Variants in PRKG1 observed in about 807,000 individuals in gnomAD.
PRKG1 encodes the protein cGMP-dependent protein kinase 1.
In PRKG1, 35 loss-of-function variants were observed where a neutral mutation model predicts 88.1. The observed-to-expected ratio is 0.40, with a 90% confidence interval of 0.30 to 0.53. The LOEUF (loss-of-function observed/expected upper bound fraction) is 0.53, where lower values mean the gene tolerates loss of function less well. PRKG1 is among the 20% of genes least tolerant of loss of function. The pLI, the probability that PRKG1 is intolerant of heterozygous loss-of-function variation, is 0.59. For synonymous variants in PRKG1, 303 were observed against 292.5 expected (o/e 1.04, Z -0.37); for missense variants, 540 against 839.8 (o/e 0.64, Z 4.41).
At chr10:51,847,899 T>A (rs925712191) in intron 4 of PRKG1, among the ~76,000 whole-genome samples, 16 of 146,734 alleles carry the variant, frequency 1.1e-4, no homozygotes, top group Admixed American at 2.0e-4. Flanking sequence ...TGAACTCTAT[T>A]CTCTTGTCTA....
intron 9 of PRKG1, among the ~76,000 whole-genome samples, chr10:52,211,932 A>G (rs189575805): frequency 2.0e-5 from 3 of 152,298 alleles, no homozygotes; most frequent in Admixed American, 2.0e-4. Context: ...AGTTACATGA[A>G]TTCAATACCA....
At chr10:51,803,343 T>C (rs909297474) in intron 3 of PRKG1, among the ~76,000 whole-genome samples, 1 of 152,134 alleles carries the variant, frequency 6.6e-6, no homozygotes, top group Non-Finnish European at 1.5e-5. Flanking sequence ...AATATAGAGT[T>C]GGCCAAAGGA....
chr10:50,991,502 A>C lies in PRKG1; in HGVS notation c.124A>C (p.Lys42Gln). ...TCAGGAGCTGAAGAGGAAACTCCAC[A>C]AATGCCAGTCGGTGCTCCCAGTGCC... The change falls in exon 1 of 18, where the codon AAA becomes CAA. Residue 42 changes from lysine (K) to glutamine (Q), a missense_variant. By Grantham distance (53) the Lys-to-Gln change is moderately conservative. Transcript: ENST00000401604. The surrounding 1 kb of genome is among the most constrained non-coding windows in gnomAD (Gnocchi z 4.5). The C allele has an allele frequency of 6.2e-7, 1 of 1,611,534 alleles. No individual in the cohort carries two copies. The highest frequency in any genetic ancestry group is 8.5e-7 in the Non-Finnish European group (1 of 1,179,002).
At chr10:51,822,236 T>A (rs1839768193) in intron 4 of PRKG1, among the ~76,000 whole-genome samples, 1 of 152,070 alleles carries the variant, frequency 6.6e-6, no homozygotes, top group Non-Finnish European at 1.5e-5. Flanking sequence ...GAAATATTAT[T>A]GAGCCTTAAA....
chr10:51,634,258 T>C (rs1194408027), intron 3 of PRKG1, among the ~76,000 whole-genome samples: 1 of 152,042 alleles, frequency 6.6e-6, no homozygotes, highest in African/African-American at 2.4e-5. Context: ...GAAGAGAGGA[T>C]TTGCCAAGGG....
intron 5 of PRKG1, among the ~76,000 whole-genome samples, chr10:52,004,025 TATA>T (rs3029949): frequency 0.02 from 3,047 of 152,286 alleles, 105 homozygotes; most frequent in African/African-American, 0.069. Context: ...TGAATGTATA[TATA>T]ATGTTTAGTA....
chr10:52,149,609 G>C (rs897599943), intron 8 of PRKG1, among the ~76,000 whole-genome samples: 1 of 151,874 alleles, frequency 6.6e-6, no homozygotes, highest in Admixed American at 6.6e-5. Context: ...GATGCCGTGA[G>C]TAGGGGCCTG....
intron 1 of PRKG1, among the ~76,000 whole-genome samples, chr10:51,030,004 T>G (rs1319871511): frequency 6.6e-6 from 1 of 152,164 alleles, no homozygotes; most frequent in Non-Finnish European, 1.5e-5. Flanking sequence ...GTAATTAATA[T>G]TCTTCTGATA....
intron 2 of PRKG1, among the ~76,000 whole-genome samples, chr10:51,235,617 A>G (rs1838965517): frequency 6.6e-6 from 1 of 152,178 alleles, no homozygotes; most frequent in Admixed American, 6.6e-5. Context: ...TTAATTTATG[A>G]TGAATTTTAA....
chr10:52,083,396 G>A (rs1167622241), intron 7 of PRKG1, among the ~76,000 whole-genome samples: 1 of 151,914 alleles, frequency 6.6e-6, no homozygotes, highest in Non-Finnish European at 1.5e-5. Context: ...GAAAGATATT[G>A]TATAGTTGAT....
chr10:52,051,151 T>C (rs1242060297), intron 5 of PRKG1, among the ~76,000 whole-genome samples: 1 of 152,226 alleles, frequency 6.6e-6, no homozygotes, highest in African/African-American at 2.4e-5. Context: ...AATTTTGGCT[T>C]TCTGAAAGAA....
intron 3 of PRKG1, among the ~76,000 whole-genome samples, chr10:51,650,131 A>G (rs748291863): frequency 2.6e-5 from 4 of 152,084 alleles, no homozygotes; most frequent in Non-Finnish European, 5.9e-5. Context: ...GAATTTTACC[A>G]ACCAGTATAA....
chr10:51,446,809 T>A (rs1030962860), intron 2 of PRKG1, among the ~76,000 whole-genome samples: 12 of 152,078 alleles, frequency 7.9e-5, no homozygotes, highest in African/African-American at 2.9e-4. Context: ...ATGTTGACTA[T>A]CTTATGGTTG....
chr10:51,731,791 C>T (rs1367444697), intron 3 of PRKG1, among the ~76,000 whole-genome samples: 3 of 152,138 alleles, frequency 2.0e-5, no homozygotes, highest in South Asian at 2.1e-4. Flanking sequence ...TCACAGACCG[C>T]GTGGTTTACA....
intron 3 of PRKG1, among the ~76,000 whole-genome samples, chr10:51,589,094 G>A (rs1056969774): frequency 2.6e-5 from 4 of 152,204 alleles, no homozygotes; most frequent in African/African-American, 9.6e-5. Flanking sequence ...GGCTATAAGG[G>A]AATGCTGTAA....
intron 4 of PRKG1, among the ~76,000 whole-genome samples, chr10:51,844,875 A>G (rs1273335311): frequency 2.6e-5 from 4 of 152,232 alleles, no homozygotes; most frequent in African/African-American, 4.8e-5. Flanking sequence ...TTGCCTTGCC[A>G]GTGGATTATT....
chr10:52,047,985 A>C (rs1462049324), intron 5 of PRKG1, among the ~76,000 whole-genome samples: 1 of 152,070 alleles, frequency 6.6e-6, no homozygotes, highest in Non-Finnish European at 1.5e-5. Flanking sequence ...GCTTTAGTTG[A>C]GATGTACATG....
chr10:51,183,958 A>C (rs939086449), intron 2 of PRKG1, among the ~76,000 whole-genome samples: 4 of 152,124 alleles, frequency 2.6e-5, no homozygotes, highest in Admixed American at 6.6e-5. Context: ...AGCCAGTTTC[A>C]ACCTCATTAT....
At chr10:51,822,419 A>ATTGGGG (rs1839773012) in intron 4 of PRKG1, among the ~76,000 whole-genome samples, 2 of 152,110 alleles carry the variant, frequency 1.3e-5, no homozygotes, top group African/African-American at 4.8e-5. Flanking sequence ...AGGGCTAGGA[A>ATTGGGG]TTGGGGAAAT....
Sources: allele counts gnomAD v4.1 joint callset (sites outside exome capture counted in the v4.1 genomes callset), GRCh38; gene constraint gnomAD v4.1.1; non-coding constraint Gnocchi (gnomAD v3.1); transcripts MANE v1.5; gene names NCBI Gene and HGNC (gene_info 2026-07-23, HGNC 2026-07-21).